ZC2HC1B: variants seen among roughly 807,000 people sequenced by gnomAD.
ZC2HC1B encodes the protein zinc finger C2HC-type containing 1B, also known as zinc finger C2HC domain-containing protein 1B.
In ZC2HC1B, 36 loss-of-function variants were observed where a neutral mutation model predicts 31.0. That is an observed-to-expected ratio of 1.16 (90% CI 0.89 to 1.54). The LOEUF (loss-of-function observed/expected upper bound fraction) is 1.54. Among genes scored for constraint, ZC2HC1B ranks in the 40% most tolerant of loss-of-function variants. ZC2HC1B has a pLI of 0.00. For synonymous variants in ZC2HC1B, 73 were observed against 88.0 expected, an observed-to-expected ratio of 0.83 and a Z score of 0.95; for missense variants, 260 against 268.6, an observed-to-expected ratio of 0.97 and a Z score of 0.22.
chr6:143,929,264 A>G (rs913835685), intron 6 of ZC2HC1B, among the ~76,000 whole-genome samples: 11 of 152,130 alleles, frequency 7.2e-5, no homozygotes, highest in African/African-American at 2.7e-4. Flanking sequence ...TGTTCCTTCT[A>G]TGCCTTGTTT....
intron 1 of ZC2HC1B, among the ~76,000 whole-genome samples, chr6:143,873,890 G>A (rs536375756): frequency 3.9e-5 from 6 of 152,168 alleles, no homozygotes; most frequent in African/African-American, 1.4e-4. Flanking sequence ...TTTTTCCATG[G>A]TCTTGGGGAT....
chr6:143,877,474 G>C (rs955517404), intron 1 of ZC2HC1B, among the ~76,000 whole-genome samples: 3 of 148,688 alleles, frequency 2.0e-5, no homozygotes, highest in Non-Finnish European at 4.5e-5. Flanking sequence ...GTAGAGACAG[G>C]GTTTCTCCAT....
At chr6:143,874,179 T>C (rs1777379974) in intron 1 of ZC2HC1B, among the ~76,000 whole-genome samples, 1 of 151,840 alleles carries the variant, frequency 6.6e-6, no homozygotes, top group African/African-American at 2.4e-5. Flanking sequence ...TCAGTCTCTT[T>C]GATAAAAAAT....
chr6:143,937,657 A>G lies in ZC2HC1B; in HGVS notation c.607A>G (p.Met203Val), dbSNP rs919909495. Residue 203 changes from methionine to valine, a missense_variant, in exon 7 of 8, where the codon ATG becomes GTG. Physicochemically the swap from Met to Val is conservative, Grantham distance 21. Coordinates refer to ENST00000237275, the MANE Select transcript of ZC2HC1B (RefSeq NM_001013623.3). ...TGTTTATGTTTGCAAAGGATTAGCTATGGACCCTGCTTCTGGAGCAAAACT... is the reference window on the plus strand; with the variant it reads ...TGTTTATGTTTGCAAAGGATTAGCTGTGGACCCTGCTTCTGGAGCAAAACT... ...NEVPTKSGLA[M>V]DPASGAKLRQ... 11 of 1,551,110 alleles carry G rather than the reference A, an allele frequency of 7.1e-6. No homozygotes were observed. The highest frequency in any genetic ancestry group is 9.6e-6 in the Non-Finnish European group (11 of 1,146,782).
At chr6:143,882,498 C>T (rs1777481322) in intron 1 of ZC2HC1B, among the ~76,000 whole-genome samples, 4 of 151,454 alleles carry the variant, frequency 2.6e-5, no homozygotes, top group Admixed American at 2.6e-4. Flanking sequence ...TCATTTAAAT[C>T]AACAATGTCT....
intron 5 of ZC2HC1B, 114 bp downstream of exon 5, chr6:143,898,805 G>A: frequency 7.5e-7 from 1 of 1,335,616 alleles, no homozygotes; most frequent in Non-Finnish European, 1.0e-6. Flanking sequence ...AGCGTGAAGA[G>A]AGCTGATCAT....
At position 143,911,384 on chromosome 6, in the gene ZC2HC1B, G is replaced by A. The variant is rs182671380; in HGVS notation, c.598+8232G>A. On this transcript the variant is annotated intron_variant, in intron 6 of 7. Coordinates refer to ENST00000237275, the MANE Select transcript of ZC2HC1B (RefSeq NM_001013623.3). This position sits in a 1 kb window ranked among gnomAD's most constrained non-coding sequence, Gnocchi z 4.5. ...TTGCTTCATAGTGTCACTGGTCTGT[G>A]TATTTCAGTGTGTTTTTGTAATGGC... 2.0e-5 allele frequency among the ~76,000 whole-genome samples: 3 copies of A among 152,228 alleles called. No individual in the cohort carries two copies. In the East Asian group the frequency reaches 5.8e-4, roughly 29 times the overall value.
chr6:143,927,177 G>A (rs1480546610), intron 6 of ZC2HC1B, among the ~76,000 whole-genome samples: 1 of 151,794 alleles, frequency 6.6e-6, no homozygotes, highest in African/African-American at 2.4e-5. Flanking sequence ...AGATTTAGGG[G>A]GTACAAATAC....
chr6:143,891,693 C>CA (rs61241733), intron 4 of ZC2HC1B, among the ~76,000 whole-genome samples: 979 of 66,426 alleles, frequency 0.015, 4 homozygotes, highest in African/African-American at 0.036. Context: ...AACTCTGTCT[C>CA]AAAAAAAAAA....
chr6:143,920,188 T>C, intron 6 of ZC2HC1B, among the ~76,000 whole-genome samples: 1 of 152,198 alleles, frequency 6.6e-6, no homozygotes, highest in Non-Finnish European at 1.5e-5. Context: ...AAACACTCCT[T>C]TAAGTTTGAG....
intron 1 of ZC2HC1B, among the ~76,000 whole-genome samples, chr6:143,867,799 A>G (rs1268715040): frequency 6.6e-6 from 1 of 152,180 alleles, no homozygotes; most frequent in Non-Finnish European, 1.5e-5. Context: ...ACACACCTCA[A>G]ACCTCGACTG....
chr6:143,930,087 T>G (rs1377380403), intron 6 of ZC2HC1B, among the ~76,000 whole-genome samples: 1 of 152,144 alleles, frequency 6.6e-6, no homozygotes, highest in East Asian at 1.9e-4. Flanking sequence ...GGTCTCAAGT[T>G]CATTTAGTTC....
In ZC2HC1B at chr6:143,867,440, CAGTG is replaced by C. The variant is rs1403474102; in HGVS notation, c.28+2876_28+2879del. ...TTTACAAGAACCCATGTTTAGATGT[CAGTG>C]AGCAAGGTGATGAGTGAGTTTTAGG... On this transcript the variant is annotated intron_variant, in intron 1 of 7. Coordinates refer to ENST00000237275, the MANE Select transcript of ZC2HC1B (RefSeq NM_001013623.3). Among the ~76,000 whole-genome samples the C allele has an allele frequency of 2.0e-5, 3 of 152,328 alleles. No homozygotes were observed. In the East Asian group the frequency reaches 5.8e-4, roughly 29 times the overall value.
chr6:143,886,146 T>C lies in ZC2HC1B; in HGVS notation c.205T>C (p.Ser69Pro). The C allele has an allele frequency of 6.5e-7, 1 of 1,535,840 alleles. No individual in the cohort carries two copies. Among genetic ancestry groups the C allele is most frequent in the African/African-American group, 1.4e-5 (1 of 72,176 alleles). The change falls in exon 3 of 8, where the codon TCC becomes CCC. Residue 69 changes from serine to proline, a missense_variant. Coordinates refer to ENST00000237275, the MANE Select transcript of ZC2HC1B (RefSeq NM_001013623.3). The surrounding 1 kb of genome is among the most constrained non-coding windows in gnomAD (Gnocchi z 4.2). ...DIPTVKKTPQSKSPPVRKSNW... is the reference protein window; with the variant it reads ...DIPTVKKTPQPKSPPVRKSNW... ...TCCTACTGTGAAGAAGACTCCACAA[T>C]CCAAGGTACTCCTGATATCTTCTTT...
intron 6 of ZC2HC1B, among the ~76,000 whole-genome samples, chr6:143,916,177 GC>G (rs1245409351): frequency 1.3e-5 from 2 of 152,222 alleles, no homozygotes; most frequent in Non-Finnish European, 2.9e-5. Flanking sequence ...ACTAAAAGGG[GC>G]CAAGGTACAG....
intron 7 of ZC2HC1B, 132 bp downstream of exon 7, chr6:143,937,865 C>G: frequency 1.7e-6 from 1 of 603,574 alleles, no homozygotes; most frequent in Non-Finnish European, 2.9e-6. Flanking sequence ...AATGTATGCT[C>G]TTGAAACTGA....
Position 143,903,210 on chromosome 6 carries a change from T to G in ZC2HC1B, c.598+58T>G. The G allele has an allele frequency of 6.8e-7, 1 of 1,467,296 alleles. No homozygotes were observed. Among genetic ancestry groups the G allele is most frequent in the Non-Finnish European group, 9.3e-7 (1 of 1,070,204 alleles). The allele number at this position is 1,467,296 out of a possible 1,614,324, so 90.9% of individuals were successfully genotyped here. A position where few individuals can be genotyped will look rare whatever the true frequency, so the allele number is the denominator to read the frequency against. On this transcript the variant is annotated intron_variant, in intron 6 of 7. Transcript: ENST00000237275. This position sits in a 1 kb window ranked among gnomAD's most constrained non-coding sequence, Gnocchi z 4.3. The stretch of plus-strand genomic sequence containing the variant: ...GATGGGGGTCAGAGGAGATCACTGT[T>G]GGGTTTGGGATTCACTGGTAGTCTG...
At chr6:143,867,625 A>C (rs1204043973) in intron 1 of ZC2HC1B, among the ~76,000 whole-genome samples, 1 of 152,248 alleles carries the variant, frequency 6.6e-6, no homozygotes, top group Non-Finnish European at 1.5e-5. Context: ...ACTGATCTAG[A>C]GATCAGGACA....
chr6:143,936,209 T>G (rs1001987031), intron 6 of ZC2HC1B, among the ~76,000 whole-genome samples: 8 of 152,342 alleles, frequency 5.3e-5, no homozygotes, highest in African/African-American at 1.9e-4. Context: ...GGAAAACTTC[T>G]AATACAAAAA....
Sources: gnomAD v4.1 joint callset for allele counts (sites outside exome capture counted in the v4.1 genomes callset) on GRCh38, gnomAD v4.1.1 for gene constraint, Gnocchi (gnomAD v3.1) non-coding constraint, MANE v1.5 for transcripts, NCBI Gene and HGNC (gene_info 2026-07-23, HGNC 2026-07-21) for gene names.